Variants in PLOD1 observed in about 807,000 individuals in gnomAD.
PLOD1 encodes procollagen-lysine,2-oxoglutarate 5-dioxygenase 1.
A neutral mutation model predicts 94.7 loss-of-function variants in PLOD1; 70 were observed. The ratio of observed to expected loss-of-function variants is 0.74; its 90% confidence interval spans 0.61 to 0.90. The LOEUF (loss-of-function observed/expected upper bound fraction) is 0.90. Among genes scored for constraint, PLOD1 ranks in the 40% least tolerant of loss-of-function variants. The pLI is 0.00. For synonymous variants in PLOD1, 417 were observed against 400.2 expected (o/e 1.04, Z -0.50); for missense variants, 905 against 972.7 (o/e 0.93, Z 0.93).
chr1:11,941,333 T>A (rs551773449), intron 1 of PLOD1, among the ~76,000 whole-genome samples: 1 of 151,858 alleles, frequency 6.6e-6, no homozygotes, highest in African/African-American at 2.4e-5. Context: ...ACCTTCCATG[T>A]TGCTGCTTTT....
In PLOD1 at chr1:11,967,033, G is replaced by C; in HGVS notation, c.1697G>C (p.Cys566Ser). The change falls in exon 16 of 19, where the codon TGT becomes TCT. Residue 566 changes from cysteine to serine, a missense_variant. Cys to Ser is a moderately radical substitution (Grantham distance 112, BLOSUM62 -1). Transcript: ENST00000196061. ...TTCCCCATCTTCACGGAGGTGGCCT[G>C]TGATGAGCTGGTGGAGGAGATGGAG... ...YWFPIFTEVA[C>S]DELVEEMEHF... 6.2e-7 allele frequency: 1 copy of C among 1,614,108 alleles called. No individual in the cohort carries two copies.
rs1200888422 is a variant in PLOD1 at position 11,974,896 on chromosome 1, C to T, written c.*88C>T. On this transcript the variant is annotated 3_prime_UTR_variant, in exon 19 of 19. Coordinates refer to ENST00000196061, the MANE Select transcript of PLOD1 (RefSeq NM_000302.4). Reference sequence around the variant, plus strand: ...TGGGACCTCGGGGTCCCAGGGAACCCAGTCCAGCCTCCTGGCTGTTGACTT... The same window carrying T: ...TGGGACCTCGGGGTCCCAGGGAACCTAGTCCAGCCTCCTGGCTGTTGACTT... The T allele has an allele frequency of 7.0e-6, 9 of 1,279,754 alleles. No homozygotes were observed. The highest frequency in any genetic ancestry group is 9.1e-6 in the Non-Finnish European group (8 of 875,488). The allele number at this position is 1,279,754 out of a possible 1,614,324, so 79.3% of individuals were successfully genotyped here. A position where few individuals can be genotyped will look rare whatever the true frequency, so the allele number is the denominator to read the frequency against.
intron 9 of PLOD1, among the ~76,000 whole-genome samples, chr1:11,959,763 G>A (rs1375965277): frequency 6.6e-6 from 1 of 150,850 alleles, no homozygotes; most frequent in South Asian, 2.1e-4. Context: ...GATTACAGGC[G>A]CCTGCCACCG....
rs1056127956 is a variant in PLOD1 at position 11,963,747 on chromosome 1, T to A, written c.1202+111T>A. On this transcript the variant is annotated intron_variant, in intron 11 of 18. Coordinates refer to ENST00000196061, the MANE Select transcript of PLOD1 (RefSeq NM_000302.4). The surrounding 1 kb of genome is among the most constrained non-coding windows in gnomAD (Gnocchi z 4.3). ...CCTCATCCACCTCCTCTTCCTCCTC[T>A]TTTTCCTTCTCCTGCTCCTCTTTCT... The A allele has an allele frequency of 2.8e-6, 2 of 722,966 alleles. No homozygotes were observed. Among genetic ancestry groups the A allele is most frequent in the African/African-American group, 3.5e-5 (2 of 57,300 alleles). The allele number at this position is 722,966 out of a possible 1,614,324, so 44.8% of individuals were successfully genotyped here.
At position 11,957,918 on chromosome 1, in the gene PLOD1, G is replaced by T. The variant is rs1645750693; in HGVS notation, c.818G>T (p.Gly273Val). 2 of 1,613,494 alleles carry T rather than the reference G, an allele frequency of 1.2e-6. No individual in the cohort carries two copies. The highest frequency in any genetic ancestry group is 2.7e-5 in the African/African-American group (2 of 74,910). The change falls in exon 8 of 19, where the codon GGC becomes GTC. Residue 273 changes from glycine (G) to valine (V), a missense_variant. Transcript: ENST00000196061. The surrounding 1 kb of genome is among the most constrained non-coding windows in gnomAD (Gnocchi z 4.1). Reference protein sequence around the residue: ...FETGCTVCDEGLRSLKGIGDE... With the variant: ...FETGCTVCDEVLRSLKGIGDE... ...ACAGGCTGCACCGTGTGTGACGAAGGCTTGCGCAGCCTCAAGGGCATTGGG... is the reference window on the plus strand; with the variant it reads ...ACAGGCTGCACCGTGTGTGACGAAGTCTTGCGCAGCCTCAAGGGCATTGGG...
chr1:11,939,204 C>T (rs1369319549), intron 1 of PLOD1, among the ~76,000 whole-genome samples: 4 of 152,056 alleles, frequency 2.6e-5, no homozygotes, highest in Non-Finnish European at 5.9e-5. Context: ...AGTCAGGCTG[C>T]ACTGGATGGT....
At chr1:11,973,461 C>T in intron 18 of PLOD1, among the ~76,000 whole-genome samples, 2 of 152,138 alleles carry the variant, frequency 1.3e-5, no homozygotes, top group East Asian at 1.9e-4. Flanking sequence ...GATCATGCCA[C>T]TGCACTCCAG....
Position 11,972,553 on chromosome 1 carries a change from CCTTCCCTTTCATTTCTTCT to C in PLOD1, c.1903-290_1903-272del, listed in dbSNP as rs1262147939. 9.2e-5 allele frequency: 32 copies of C among 349,176 alleles called. No individual in the cohort carries two copies. Among genetic ancestry groups the C allele is most frequent in the East Asian group, 4.6e-4 (7 of 15,058 alleles). 21.6% of individuals were successfully genotyped at this position (349,176 alleles called of 1,614,324 possible). On this transcript the variant is annotated intron_variant, in intron 17 of 18. Coordinates refer to ENST00000196061, the MANE Select transcript of PLOD1 (RefSeq NM_000302.4). The surrounding 1 kb of genome is among the most constrained non-coding windows in gnomAD (Gnocchi z 4.6). ...CAGGCGTGAGTACCATGTCCGGCCT[CCTTCCCTTTCATTTCTTCT>C]CTTCCCTTTCATTTCTTCTCTTCCC...
At chr1:11,934,957 G>C in intron 1 of PLOD1, 102 bp downstream of exon 1, 1 of 1,383,898 alleles carries the variant, frequency 7.2e-7, no homozygotes, top group East Asian at 2.8e-5. Flanking sequence ...CTGGGCTGGA[G>C]AGGGAGTCTG....
intron 18 of PLOD1, among the ~76,000 whole-genome samples, chr1:11,973,739 G>C (rs1273905337): frequency 6.6e-6 from 1 of 151,866 alleles, no homozygotes; most frequent in Non-Finnish European, 1.5e-5. Flanking sequence ...TGCCACCATG[G>C]CCAGCTAATT....
At position 11,934,875 on chromosome 1, in the gene PLOD1, G is replaced by A. The variant is rs1289583816; in HGVS notation, c.76+20G>A. On this transcript the variant is annotated intron_variant, in intron 1 of 18. Transcript: ENST00000196061. ...CGGAGGGTGAGGGAGCGAAGGCCGG[G>A]GGCGGGAGCGCGGATCCGGGCGGGA... 1.3e-6 allele frequency: 2 copies of A among 1,533,032 alleles called. No individual in the cohort carries two copies. The highest frequency in any genetic ancestry group is 1.2e-5 in the South Asian group (1 of 83,098). The allele number at this position is 1,533,032 out of a possible 1,614,324, so 95.0% of individuals were successfully genotyped here.
At chr1:11,961,584 C>T (rs1645778121) in intron 10 of PLOD1, among the ~76,000 whole-genome samples, 1 of 152,086 alleles carries the variant, frequency 6.6e-6, no homozygotes. Context: ...CATTTATGGA[C>T]ACTGAAATTT....
chr1:11,974,731 C>T lies in PLOD1; in HGVS notation c.2107C>T (p.Arg703Ter), dbSNP rs1308628256. 3.7e-6 allele frequency: 6 copies of T among 1,613,772 alleles called. No homozygotes were observed. The highest frequency in any genetic ancestry group is 4.2e-6 in the Non-Finnish European group (5 of 1,179,664). Residue 703 changes from arginine to a stop codon, truncating the protein, a stop_gained, in exon 19 of 19, where the codon CGA becomes TGA. Transcript: ENST00000196061. LOFTEE classifies it high-confidence loss of function. ...RKGWTLMHPGRLTHYHEGLPT... is the reference protein window; with the variant it reads ...RKGWTLMHPG ...GGGCTGGACCCTCATGCACCCTGGACGACTCACGCATTACCATGAGGGGCT... is the reference window on the plus strand; with the variant it reads ...GGGCTGGACCCTCATGCACCCTGGATGACTCACGCATTACCATGAGGGGCT...
chr1:11,968,710 A>C lies in PLOD1; in HGVS notation c.1755+1619A>C, dbSNP rs1010906775. 9.3e-5 allele frequency among the ~76,000 whole-genome samples: 14 copies of C among 150,484 alleles called. No homozygotes were observed. In the East Asian group the frequency reaches 2.8e-3, roughly 30 times the overall value. On this transcript the variant is annotated intron_variant, in intron 16 of 18. Coordinates refer to ENST00000196061, the MANE Select transcript of PLOD1 (RefSeq NM_000302.4). ...TGTATATTTAGTAGAGATGGGTTTCACCATTTTGGTCAGGCTGGTCTCGAA... is the reference window on the plus strand; with the variant it reads ...TGTATATTTAGTAGAGATGGGTTTCCCCATTTTGGTCAGGCTGGTCTCGAA...
At chr1:11,949,372 T>C (rs945693085) in intron 2 of PLOD1, among the ~76,000 whole-genome samples, 1 of 152,044 alleles carries the variant, frequency 6.6e-6, no homozygotes, top group African/African-American at 2.4e-5. Context: ...ATGGTTTCCT[T>C]ACAGGGGAGG....
chr1:11,954,473 C>T (rs970655745), intron 5 of PLOD1: 9 of 513,814 alleles, frequency 1.8e-5, no homozygotes, highest in Middle Eastern at 3.4e-4. Context: ...GTGACAAGAG[C>T]GAAACTCTTT....
At chr1:11,941,890 G>T (rs1162333081) in intron 1 of PLOD1, among the ~76,000 whole-genome samples, 4 of 152,074 alleles carry the variant, frequency 2.6e-5, no homozygotes, top group African/African-American at 9.7e-5. Context: ...TGCCATGTTG[G>T]CCAGGTGGGA....
At chr1:11,950,276 C>T (rs147731528) in intron 3 of PLOD1, 81 bp from the exon 4 acceptor site, 20 of 1,383,446 alleles carry the variant, frequency 1.4e-5, no homozygotes, top group Non-Finnish European at 2.0e-5. Flanking sequence ...AGCACTTGAT[C>T]CCTGGTCCCT....
intron 1 of PLOD1, among the ~76,000 whole-genome samples, 195 bp downstream of exon 1, chr1:11,935,050 A>G (rs1009336210): frequency 6.6e-6 from 1 of 152,228 alleles, no homozygotes; most frequent in Non-Finnish European, 1.5e-5. Context: ...TGCTTCGGGA[A>G]GGAAAGGGTG....
Sources: allele counts gnomAD v4.1 joint callset (sites outside exome capture counted in the v4.1 genomes callset), GRCh38; gene constraint gnomAD v4.1.1; non-coding constraint Gnocchi (gnomAD v3.1); transcripts MANE v1.5; gene names NCBI Gene and HGNC (gene_info 2026-07-23, HGNC 2026-07-21).